The following SMAP1 variants were observed in gnomAD, a reference collection of about 807,000 sequenced individuals.
SMAP1 encodes the protein small ArfGAP 1.
SMAP1 carries 24 observed loss-of-function variants against 58.5 expected under a neutral mutation model. The observed-to-expected ratio is 0.41, with a 90% CI of 0.30 to 0.58. The LOEUF (loss-of-function observed/expected upper bound fraction) is 0.58. Ranked by LOEUF, SMAP1 falls within the 20% of genes least tolerant of loss-of-function variation. The pLI, the probability that SMAP1 is intolerant of heterozygous loss-of-function variation, is 0.29. For synonymous variants in SMAP1, 216 were observed against 196.6 expected (o/e 1.10, Z -0.82); for missense variants, 563 against 566.3 (o/e 0.99, Z 0.06).
chr6:70,732,323 G>A lies in SMAP1; in HGVS notation c.119-55G>A, dbSNP rs1765463359. 4.5e-6 allele frequency: 7 copies of A among 1,553,428 alleles called. No homozygotes were observed. In the South Asian group the frequency reaches 6.1e-5, roughly 14 times the overall value. ...GAGAATGCTTCTAATATGCTGTTAT[G>A]TTTATTTTTGTTTTTAACATTTGCT... On this transcript the variant is annotated intron_variant, in intron 1 of 10. Coordinates refer to ENST00000370455, the MANE Select transcript of SMAP1 (RefSeq NM_001044305.3).
Position 70,773,376 on chromosome 6 carries a change from A to T in SMAP1, c.365A>T (p.Lys122Ile). The change falls in exon 4 of 11, where the codon AAA becomes ATA. Residue 122 changes from lysine (K) to isoleucine (I), a missense_variant. Coordinates refer to ENST00000370455, the MANE Select transcript of SMAP1 (RefSeq NM_001044305.3). ...GCAGTGGAATTTTTCATCAGAGATA[A>T]ATATGAAAAGAAGAAATACTACGAT... is the stretch of plus-strand genomic sequence containing the variant. ...DQAVEFFIRD[K>I]YEKKKYYDKN... 1 of 1,575,382 alleles carries T rather than the reference A, an allele frequency of 6.3e-7. No homozygotes were observed. The highest frequency in any genetic ancestry group is 2.3e-5 in the East Asian group (1 of 44,428).
At chr6:70,746,297 T>C (rs540785129) in intron 2 of SMAP1, among the ~76,000 whole-genome samples, 7 of 152,338 alleles carry the variant, frequency 4.6e-5, no homozygotes, top group Admixed American at 3.3e-4. Context: ...CAGTATGATA[T>C]TGGCTGTGGG....
At position 70,721,815 on chromosome 6, in the gene SMAP1, T is replaced by C. The variant is rs202054028; in HGVS notation, c.119-10563T>C. On this transcript the variant is annotated intron_variant, in intron 1 of 10. Transcript: ENST00000370455. ...AGGAAGAAGCAAAAGTGGGAACCCC[T>C]GATAAACCCGTCAGATTTCGTGAGA... Among the ~76,000 whole-genome samples the C allele has an allele frequency of 1.6e-4, 25 of 152,212 alleles. No homozygotes were observed. In the East Asian group the frequency reaches 3.9e-3, roughly 23 times the overall value.
At chr6:70,684,067 G>A (rs183830870) in intron 1 of SMAP1, among the ~76,000 whole-genome samples, 10 of 152,286 alleles carry the variant, frequency 6.6e-5, no homozygotes, top group African/African-American at 2.4e-4. Flanking sequence ...TCTATGTAAT[G>A]GCAGCATATT....
rs746630861 is a variant in SMAP1, at chr6:70,754,990, A to G, written c.263A>G (p.Asp88Gly). 3.1e-6 allele frequency: 5 copies of G among 1,608,428 alleles called. No individual in the cohort carries two copies. In the Admixed American group the frequency reaches 5.0e-5, roughly 16 times the overall value. ...TTTTTTTTATTATAGTGCATGCAAG[A>G]TATGGGAAATACTAAAGCAAGACTA... ...WTAEQIQCMQ[D>G]MGNTKARLLY... is the part of the protein sequence containing the mutation. The change falls in exon 3 of 11, where the codon GAT becomes GGT. Residue 88 changes from aspartate (D) to glycine (G), a missense_variant. Asp to Gly is a moderately conservative substitution (Grantham distance 94). This residue lies in a region of SMAP1 where 494 missense variants were observed against 473.8 expected (regional missense o/e 1.04). Coordinates refer to ENST00000370455, the MANE Select transcript of SMAP1 (RefSeq NM_001044305.3).
intron 9 of SMAP1, 69 bp from the exon 10 acceptor site, chr6:70,857,853 G>A (rs1771499131): frequency 6.5e-7 from 1 of 1,537,238 alleles, no homozygotes; most frequent in Non-Finnish European, 8.8e-7. Context: ...CAATTTTTCT[G>A]TGATTATAGA....
chr6:70,688,227 G>A (rs781966), intron 1 of SMAP1, among the ~76,000 whole-genome samples: 65,972 of 151,878 alleles, frequency 0.43, 14,697 homozygotes, highest in South Asian at 0.5. Context: ...TGGACTGTTT[G>A]TAGTTTTTTA....
chr6:70,805,001 T>G (rs573057599), intron 6 of SMAP1, among the ~76,000 whole-genome samples: 1 of 151,960 alleles, frequency 6.6e-6, no homozygotes, highest in Non-Finnish European at 1.5e-5. Flanking sequence ...TCTTGAAGAG[T>G]ATCTTTGTGG....
At chr6:70,769,586 T>A (rs1206851271) in intron 3 of SMAP1, among the ~76,000 whole-genome samples, 2 of 152,224 alleles carry the variant, frequency 1.3e-5, no homozygotes, top group African/African-American at 2.4e-5. Context: ...CCTGCCTTTT[T>A]TTGTTTTCCA....
chr6:70,858,145 A>C lies in SMAP1; in HGVS notation c.1185A>C (p.Gln395His). ...MPLPQNVVGP[Q>H]GGMVGQMGAP... The stretch of plus-strand genomic sequence containing the variant: ...TTCCTCAGAACGTTGTTGGCCCCCA[A>C]GGAGGAATGGTGGGACAAATGGGTG... The change falls in exon 10 of 11, where the codon CAA becomes CAC. Residue 395 changes from glutamine (Q) to histidine (H), a missense_variant. Around this residue, in one of 3 missense-constraint regions of SMAP1, gnomAD observed 494 missense variants for 473.8 expected, o/e 1.04. Coordinates refer to ENST00000370455, the MANE Select transcript of SMAP1 (RefSeq NM_001044305.3). 1 of 1,614,058 alleles carries C rather than the reference A, an allele frequency of 6.2e-7. No homozygotes were observed. The highest frequency in any genetic ancestry group is 8.5e-7 in the Non-Finnish European group (1 of 1,179,992).
intron 4 of SMAP1, among the ~76,000 whole-genome samples, chr6:70,790,279 T>G (rs903738964): frequency 6.6e-6 from 1 of 152,200 alleles, no homozygotes; most frequent in African/African-American, 2.4e-5. Context: ...TAGCTGGGAT[T>G]ACAGGCATGC....
chr6:70,857,901 C>T (rs1771501213), intron 9 of SMAP1, 21 bp from the exon 10 acceptor site: 5 of 1,609,848 alleles, frequency 3.1e-6, no homozygotes, highest in Non-Finnish European at 4.2e-6. Flanking sequence ...TGTCTTCATT[C>T]ATTTTCTTTT....
chr6:70,822,644 CTTAG>C (rs1200189947), intron 6 of SMAP1, among the ~76,000 whole-genome samples: 1 of 152,092 alleles, frequency 6.6e-6, no homozygotes, highest in Admixed American at 6.6e-5. Context: ...GGCCTTTTAT[CTTAG>C]TTGGTGTTCT....
intron 1 of SMAP1, among the ~76,000 whole-genome samples, chr6:70,677,543 C>T (rs1471665610): frequency 2.0e-5 from 3 of 148,272 alleles, no homozygotes; most frequent in South Asian, 2.1e-4. Context: ...CTCAGCCTCC[C>T]GAGGAGCTGG....
intron 1 of SMAP1, among the ~76,000 whole-genome samples, chr6:70,683,387 G>A (rs1562090767): frequency 6.6e-6 from 1 of 151,722 alleles, no homozygotes; most frequent in Admixed American, 6.6e-5. Flanking sequence ...GACCAGGCTG[G>A]TCTTGAACTC....
At chr6:70,668,883 C>T (rs1045787196) in intron 1 of SMAP1, among the ~76,000 whole-genome samples, 3 of 152,184 alleles carry the variant, frequency 2.0e-5, no homozygotes, top group African/African-American at 7.2e-5. Context: ...TAGGTTTTCT[C>T]TGACCAGCTA....
intron 6 of SMAP1, among the ~76,000 whole-genome samples, chr6:70,828,136 A>G (rs1770212854): frequency 6.6e-6 from 1 of 152,152 alleles, no homozygotes. Context: ...ATCAATCTAT[A>G]TAGGAATATA....
At chr6:70,697,586 G>A (rs1264228318) in intron 1 of SMAP1, among the ~76,000 whole-genome samples, 3 of 152,120 alleles carry the variant, frequency 2.0e-5, no homozygotes, top group Admixed American at 6.5e-5. Flanking sequence ...GATTACAGGC[G>A]TGAGCCACCA....
chr6:70,699,050 G>A (rs1484875375), intron 1 of SMAP1, among the ~76,000 whole-genome samples: 1 of 152,204 alleles, frequency 6.6e-6, no homozygotes, highest in Non-Finnish European at 1.5e-5. Flanking sequence ...GGCTGTCCAA[G>A]TATGCAAAGG....
Sources: allele counts gnomAD v4.1 joint callset (sites outside exome capture counted in the v4.1 genomes callset), GRCh38; gene constraint gnomAD v4.1.1; regional missense constraint gnomAD v4.1.1; transcripts MANE v1.5; gene names NCBI Gene and HGNC (gene_info 2026-07-23, HGNC 2026-07-21).